Variants in TJP2 observed in about 807,000 individuals in gnomAD.
TJP2 encodes the protein tight junction protein 2.
TJP2 carries 91 observed loss-of-function variants against 133.1 expected under a neutral mutation model. The ratio of observed to expected loss-of-function variants is 0.68; its 90% confidence interval spans 0.58 to 0.81. The LOEUF (loss-of-function observed/expected upper bound fraction) is 0.81, where lower values mean the gene tolerates loss of function less well. TJP2 is among the 40% of genes least tolerant of loss of function. The probability of loss-of-function intolerance (pLI) is 0.00; values close to 1 mark genes in which losing one functional copy is unlikely to be tolerated. For synonymous variants in TJP2, 592 were observed against 583.4 expected, an observed-to-expected ratio of 1.01 and a Z score of -0.21; for missense variants, 1,541 against 1,565.6, an observed-to-expected ratio of 0.98 and a Z score of 0.26.
intron 1 of TJP2, chr9:69,205,008 G>T: frequency 7.2e-7 from 1 of 1,381,548 alleles, no homozygotes; most frequent in East Asian, 2.6e-5. Flanking sequence ...TGGCATCCCT[G>T]CCATATGGAT....
chr9:69,182,072 G>A lies in TJP2; in HGVS notation c.60+7640G>A, dbSNP rs150952055. On this transcript the variant is annotated intron_variant, in intron 1 of 22. Transcript: ENST00000377245. Reference sequence around the variant, plus strand: ...AGGCCTGCAGCTGGGAGCCCTTTCTGATTTGTTCTTCACAAATGTGTTGAA... The same window carrying A: ...AGGCCTGCAGCTGGGAGCCCTTTCTAATTTGTTCTTCACAAATGTGTTGAA... 2.6e-5 allele frequency among the ~76,000 whole-genome samples: 4 copies of A among 152,298 alleles called. No individual in the cohort carries two copies. In the East Asian group the frequency reaches 7.7e-4, roughly 29 times the overall value.
At chr9:69,161,305 C>T (rs183076721) in intron 2 of TJP2, among the ~76,000 whole-genome samples, 26 of 152,060 alleles carry the variant, frequency 1.7e-4, no homozygotes, top group African/African-American at 5.1e-4. Flanking sequence ...CTTGGCTCAC[C>T]GCAACCTCCG....
In TJP2 at chr9:69,251,288, T is replaced by G. The variant is rs772800318; in HGVS notation, c.3245T>G (p.Val1082Gly). ...DNAPKSVLGK[V>G]KIFEKMDHKA... ...GCTCCCAAATCAGTCCTGGGCAAAG[T>G]CAAAATATTTGAGAAGATGGATCAC... is the stretch of plus-strand genomic sequence containing the variant. Residue 1082 changes from valine (V) to glycine (G), a missense_variant, in exon 21 of 23, where the codon GTC becomes GGC. Physicochemically the swap from Val to Gly is moderately radical, Grantham distance 109 (BLOSUM62 -3). Transcript: ENST00000377245. 6.2e-7 allele frequency: 1 copy of G among 1,614,086 alleles called. No homozygotes were observed. Among genetic ancestry groups the G allele is most frequent in the Non-Finnish European group, 8.5e-7 (1 of 1,180,020 alleles).
intron 1 of TJP2, among the ~76,000 whole-genome samples, chr9:69,136,718 C>T (rs571807843): frequency 6.6e-6 from 1 of 152,198 alleles, no homozygotes; most frequent in Middle Eastern, 3.4e-3. Flanking sequence ...AAAAACTCAG[C>T]CCATGAGGGA....
chr9:69,248,071 G>A lies in TJP2; in HGVS notation c.2727G>A (p.Ala909=), dbSNP rs2095876. The A allele has an allele frequency of 0.23, 365,302 of 1,613,750 alleles. 45,455 individuals carry two copies. The highest frequency in any genetic ancestry group is 0.48 in the Admixed American group (28,783 of 60,004). Residue 909 remains alanine, a synonymous_variant, in exon 19 of 23, where the codon GCG becomes GCA. Coordinates refer to ENST00000377245, the MANE Select transcript of TJP2 (RefSeq NM_004817.4). The part of the protein sequence containing the change: ...DRMSYLTAMG[A]DYLSCDSRLI... ...TGTCCTACTTAACCGCCATGGGCGC[G>A]GACTATCTGAGTTGCGACAGCCGCC...
intron 1 of TJP2, among the ~76,000 whole-genome samples, chr9:69,186,288 T>G (rs56757756): frequency 0.015 from 2,350 of 152,300 alleles, 54 homozygotes; most frequent in African/African-American, 0.054. Context: ...GTGGTCAAGA[T>G]GTATTGATTA....
At position 69,212,683 on chromosome 9, in the gene TJP2, A is replaced by T; in HGVS notation, c.114+82A>T. The T allele has an allele frequency of 2.4e-6, 3 of 1,253,766 alleles. No homozygotes were observed. The South Asian group carries it at 3.7e-5, about 15-fold the overall frequency. 77.7% of individuals were successfully genotyped at this position (1,253,766 alleles called of 1,614,324 possible). A position where few individuals can be genotyped will look rare whatever the true frequency, so the allele number is the denominator to read the frequency against. On this transcript the variant is annotated intron_variant, in intron 2 of 22. Transcript: ENST00000377245. ...GGATCTTATTTATTTTCACCTACAC[A>T]CAGTTTTGGCTTTTTTTTTCCCTTG... is the stretch of plus-strand genomic sequence containing the variant.
chr9:69,240,791 A>G (rs1332801809), intron 17 of TJP2, among the ~76,000 whole-genome samples: 25 of 150,244 alleles, frequency 1.7e-4, no homozygotes, highest in Admixed American at 6.7e-5. Context: ...ACTGAGTGAG[A>G]CCCTGTCTCT....
chr9:69,187,170 C>T (rs1183904646), intron 1 of TJP2, among the ~76,000 whole-genome samples: 2 of 152,194 alleles, frequency 1.3e-5, no homozygotes, highest in Admixed American at 1.3e-4. Flanking sequence ...ATTAATAGAA[C>T]AGAAGGAACA....
At position 69,126,696 on chromosome 9, in the gene TJP2, C is replaced by T. The variant is rs1337312796; in HGVS notation, c.-131+4971C>T. On this transcript the variant is annotated intron_variant, in intron 1 of 5. Transcript: ENST00000423935. ...AATGATAACAAAGGCTACGCACCTCCATTTGGGAGAAATTTATAATGCAAA... is the reference window on the plus strand; with the variant it reads ...AATGATAACAAAGGCTACGCACCTCTATTTGGGAGAAATTTATAATGCAAA... 2.6e-5 allele frequency among the ~76,000 whole-genome samples: 2 copies of T among 77,412 alleles called. 1 individual carries two copies. The highest frequency in any genetic ancestry group is 7.9e-5 in the African/African-American group (2 of 25,358). 50.8% of individuals were successfully genotyped at this position (77,412 alleles called of 152,430 possible). A position where few individuals can be genotyped will look rare whatever the true frequency, so the allele number is the denominator to read the frequency against.
At chr9:69,153,257 T>C (rs901879759) in intron 2 of TJP2, among the ~76,000 whole-genome samples, 3 of 151,734 alleles carry the variant, frequency 2.0e-5, no homozygotes, top group Non-Finnish European at 4.4e-5. Flanking sequence ...GTCCCAAACA[T>C]GAGAAGACAG....
chr9:69,248,859 A>T, intron 19 of TJP2: 10 of 993,544 alleles, frequency 1.0e-5, no homozygotes, highest in Non-Finnish European at 1.2e-5. Context: ...TGGAATAATG[A>T]TCTTTGAAGA....
rs144379034 is a variant in TJP2 at position 69,122,493 on chromosome 9, C to T, written c.-131+768C>T. 2.2e-3 allele frequency among the ~76,000 whole-genome samples: 335 copies of T among 152,330 alleles called. 1 individual carries two copies. Among genetic ancestry groups the T allele is most frequent in the African/African-American group, 4.6e-3 (190 of 41,576 alleles). On this transcript the variant is annotated intron_variant, in intron 1 of 5. Transcript: ENST00000423935. Reference sequence around the variant, plus strand: ...CATTTAAACAACAAAAAAATTTTCACTTTCTGACCCATTTGTAAGGGAGGG... The same window carrying T: ...CATTTAAACAACAAAAAAATTTTCATTTTCTGACCCATTTGTAAGGGAGGG...
intron 1 of TJP2, among the ~76,000 whole-genome samples, chr9:69,196,735 C>G (rs954889212): frequency 6.6e-6 from 1 of 152,054 alleles, no homozygotes; most frequent in East Asian, 1.9e-4. Context: ...ACATTTTCTT[C>G]ACCCCAAAAG....
chr9:69,164,818 A>T (rs935746313), intron 2 of TJP2, among the ~76,000 whole-genome samples: 1 of 152,034 alleles, frequency 6.6e-6, no homozygotes, highest in Non-Finnish European at 1.5e-5. Flanking sequence ...AATCTGACAG[A>T]CCTGGACCTG....
rs149100552 is a variant in TJP2 at position 69,181,240 on chromosome 9, CTTTTTTT to C, written c.60+6828_60+6834del. ...GTCTTGTGACTCTAGTTTGCAATTT[CTTTTTTT>C]TTTTTTTTTTTTTTTTTTTGAGGTG... On this transcript the variant is annotated intron_variant, in intron 1 of 22. Coordinates refer to ENST00000377245, the MANE Select transcript of TJP2 (RefSeq NM_004817.4). 1.1e-4 allele frequency among the ~76,000 whole-genome samples: 8 copies of C among 73,184 alleles called. 1 individual carries two copies. Among genetic ancestry groups the C allele is most frequent in the Admixed American group, 1.9e-4 (1 of 5,288 alleles). The allele number at this position is 73,184 out of a possible 152,430, so 48.0% of individuals were successfully genotyped here. A position where few individuals can be genotyped will look rare whatever the true frequency, so the allele number is the denominator to read the frequency against.
intron 16 of TJP2, among the ~76,000 whole-genome samples, chr9:69,239,468 A>T (rs1478136424): frequency 6.6e-6 from 1 of 152,180 alleles, no homozygotes; most frequent in Non-Finnish European, 1.5e-5. Flanking sequence ...GTTCTAACAC[A>T]TTGGTAATAT....
intron 1 of TJP2, among the ~76,000 whole-genome samples, chr9:69,131,600 A>G (rs1031679222): frequency 6.6e-6 from 1 of 152,230 alleles, no homozygotes; most frequent in Non-Finnish European, 1.5e-5. Flanking sequence ...CATTTGGGGC[A>G]TCTGTTGTTA....
chr9:69,169,751 A>G (rs572004472), upstream of TJP2, among the ~76,000 whole-genome samples: 2 of 151,662 alleles, frequency 1.3e-5, no homozygotes, highest in Non-Finnish European at 2.9e-5. Context: ...ATATATATAC[A>G]CACACACAGA....
Sources: allele counts gnomAD v4.1 joint callset (sites outside exome capture counted in the v4.1 genomes callset), GRCh38; gene constraint gnomAD v4.1.1; transcripts MANE v1.5; gene names NCBI Gene and HGNC (gene_info 2026-07-23, HGNC 2026-07-21).